The following BMPER variants were observed in gnomAD, a reference collection of about 807,000 sequenced individuals.
BMPER encodes the protein BMP binding endothelial regulator.
BMPER carries 45 observed loss-of-function variants against 87.3 expected under a neutral mutation model. The ratio of observed to expected loss-of-function variants is 0.52; its 90% CI spans 0.41 to 0.66. The LOEUF is 0.66. Ranked by LOEUF, BMPER falls within the 30% of genes least tolerant of loss-of-function variation. BMPER has a pLI of 0.00. For missense variants in BMPER, 784 were observed against 867.5 expected (o/e 0.90, Z 1.21); for synonymous variants, 326 against 316.2 (o/e 1.03, Z -0.33).
intron 2 of BMPER, among the ~76,000 whole-genome samples, chr7:33,931,768 C>G (rs1784486287): frequency 6.6e-6 from 1 of 152,154 alleles, no homozygotes. Context: ...ACAACAAATT[C>G]CTATTTGAGC....
intron 14 of BMPER, among the ~76,000 whole-genome samples, chr7:34,148,991 A>G (rs752217766): frequency 1.2e-4 from 19 of 152,180 alleles, no homozygotes; most frequent in Non-Finnish European, 4.4e-5. Flanking sequence ...CCACACTAGG[A>G]AAAGGAATGA....
chr7:33,940,733 G>A (rs1784730423), intron 3 of BMPER, among the ~76,000 whole-genome samples: 1 of 151,380 alleles, frequency 6.6e-6, no homozygotes, highest in African/African-American at 2.4e-5. Context: ...GATTTAGTGA[G>A]GAATCATAGT....
intron 6 of BMPER, among the ~76,000 whole-genome samples, 178 bp from the exon 7 acceptor site, chr7:34,046,128 A>G (rs1787957772): frequency 2.6e-5 from 4 of 152,138 alleles, no homozygotes; most frequent in African/African-American, 9.7e-5. Context: ...TGCAGCTGCA[A>G]TTTGTATGGC....
In BMPER at chr7:34,156,297, A is replaced by G. The variant is rs1791299199; in HGVS notation, c.*3024A>G. Among the ~76,000 whole-genome samples the G allele has an allele frequency of 1.3e-5, 2 of 152,214 alleles. No individual in the cohort carries two copies. The highest frequency in any genetic ancestry group is 2.9e-5 in the Non-Finnish European group (2 of 68,034). On this transcript the variant is annotated 3_prime_UTR_variant, in exon 15 of 15. Transcript: ENST00000649409. ...TATGAGATATTTCAGACACACAAAA[A>G]GGCATAGAGAAAAATGTTGCAAACA...
chr7:34,055,492 C>T (rs1183569181), intron 9 of BMPER, among the ~76,000 whole-genome samples, 189 bp downstream of exon 9: 1 of 152,140 alleles, frequency 6.6e-6, no homozygotes, highest in African/African-American at 2.4e-5. Flanking sequence ...GAATCAAGTG[C>T]AGATAGGGGC....
At chr7:34,145,128 T>C (rs1203064998) in intron 14 of BMPER, among the ~76,000 whole-genome samples, 4 of 152,192 alleles carry the variant, frequency 2.6e-5, no homozygotes, top group Non-Finnish European at 5.9e-5. Flanking sequence ...TGTGTACCTT[T>C]TAAAACTCCC....
intron 2 of BMPER, among the ~76,000 whole-genome samples, chr7:33,916,870 C>A (rs1015413193): frequency 6.6e-6 from 1 of 152,034 alleles, no homozygotes; most frequent in Non-Finnish European, 1.5e-5. Flanking sequence ...ATAGCTCCCC[C>A]CAGAATGGAA....
Position 34,017,409 on chromosome 7 carries a change from G to A in BMPER, c.577-28897G>A, listed in dbSNP as rs184538469. 2.6e-5 allele frequency among the ~76,000 whole-genome samples: 4 copies of A among 151,920 alleles called. No homozygotes were observed. The East Asian group carries it at 7.8e-4, about 30-fold the overall frequency. On this transcript the variant is annotated intron_variant, in intron 6 of 14. Transcript: ENST00000649409. ...GGACTCACATCTTAAATGGTGGCAGGCAAAAGAGAGCTTGTGTGGGGAGCT... is the reference window on the plus strand; with the variant it reads ...GGACTCACATCTTAAATGGTGGCAGACAAAAGAGAGCTTGTGTGGGGAGCT...
At chr7:34,142,229 T>C (rs1310785130) in intron 13 of BMPER, among the ~76,000 whole-genome samples, 2 of 152,114 alleles carry the variant, frequency 1.3e-5, no homozygotes, top group Non-Finnish European at 1.5e-5. Flanking sequence ...GAGATTGTTG[T>C]GTAGTATAAT....
At chr7:34,102,184 T>C (rs564528830) in intron 13 of BMPER, among the ~76,000 whole-genome samples, 2 of 152,160 alleles carry the variant, frequency 1.3e-5, no homozygotes, top group African/African-American at 2.4e-5. Context: ...TTGGCTCTAG[T>C]TTCAGGTGGG....
intron 13 of BMPER, among the ~76,000 whole-genome samples, chr7:34,130,186 GTCTCTCTCTC>G (rs10583920): frequency 1.7e-4 from 25 of 149,256 alleles, no homozygotes; most frequent in Non-Finnish European, 3.0e-4. Context: ...TCTTGATTCT[GTCTCTCTCTC>G]TCTCTCTCTC....
At chr7:34,151,551 G>A (rs1447704247) in intron 14 of BMPER, among the ~76,000 whole-genome samples, 1 of 152,150 alleles carries the variant, frequency 6.6e-6, no homozygotes, top group African/African-American at 2.4e-5. Flanking sequence ...GAATCAATAA[G>A]GCATAGATGA....
chr7:34,110,799 A>G (rs1386243946), intron 13 of BMPER, among the ~76,000 whole-genome samples: 1 of 152,230 alleles, frequency 6.6e-6, no homozygotes, highest in Non-Finnish European at 1.5e-5. Context: ...AAATGCATTC[A>G]AACTGAATAA....
intron 6 of BMPER, among the ~76,000 whole-genome samples, chr7:34,041,215 G>A (rs1787823644): frequency 6.6e-6 from 1 of 152,136 alleles, no homozygotes; most frequent in Admixed American, 6.5e-5. Context: ...ATTTCTTTAA[G>A]GCTTAGAGGC....
At chr7:33,956,014 A>G (rs1785139501) in intron 3 of BMPER, among the ~76,000 whole-genome samples, 1 of 151,938 alleles carries the variant, frequency 6.6e-6, no homozygotes, top group African/African-American at 2.4e-5. Flanking sequence ...GTTCATAGAC[A>G]GACAAACAAA....
At chr7:34,104,829 T>G (rs979811363) in intron 13 of BMPER, among the ~76,000 whole-genome samples, 1 of 152,186 alleles carries the variant, frequency 6.6e-6, no homozygotes, top group African/African-American at 2.4e-5. Context: ...GACACCATCA[T>G]GGATCTCCCA....
At chr7:34,132,774 T>C (rs1790627351) in intron 13 of BMPER, among the ~76,000 whole-genome samples, 1 of 152,170 alleles carries the variant, frequency 6.6e-6, no homozygotes, top group Non-Finnish European at 1.5e-5. Flanking sequence ...ATTAGTACTG[T>C]GGAGACCCCA....
intron 6 of BMPER, among the ~76,000 whole-genome samples, chr7:34,026,043 C>A (rs1284227782): frequency 2.6e-5 from 4 of 152,004 alleles, no homozygotes; most frequent in Non-Finnish European, 5.9e-5. Flanking sequence ...CAATTCTGGA[C>A]TCCCTACTTT....
intron 12 of BMPER, among the ~76,000 whole-genome samples, chr7:34,085,035 G>T (rs892420362): frequency 6.6e-6 from 1 of 152,158 alleles, no homozygotes; most frequent in Non-Finnish European, 1.5e-5. Context: ...CTCCACCACC[G>T]CCTGAAATGT....
Sources: allele counts gnomAD v4.1 joint callset (sites outside exome capture counted in the v4.1 genomes callset), GRCh38; gene constraint gnomAD v4.1.1; transcripts MANE v1.5; gene names NCBI Gene and HGNC (gene_info 2026-07-23, HGNC 2026-07-21).